The following GABRA2 variants were observed in gnomAD, a reference collection of about 807,000 sequenced individuals.
GABRA2 encodes gamma-aminobutyric acid type A receptor subunit alpha2, also known as gamma-aminobutyric acid receptor subunit alpha-2.
Under a neutral mutation model 48.7 loss-of-function variants are expected in GABRA2, and 16 were observed. The observed-to-expected ratio is 0.33, with a 90% CI of 0.22 to 0.50. GABRA2 has a LOEUF of 0.50. GABRA2 is among the 20% of genes least tolerant of loss of function. GABRA2 has a pLI of 0.98. For missense variants in GABRA2, 275 were observed against 535.6 expected (o/e 0.51, Z 4.80); for synonymous variants, 185 against 184.5 (o/e 1.00, Z -0.02).
intron 8 of GABRA2, 23 bp from the exon 9 acceptor site, chr4:46,262,151 C>T (rs200491117): frequency 1.9e-6 from 3 of 1,600,216 alleles, no homozygotes; most frequent in South Asian, 1.1e-5. Context: ...AGATAGGAAT[C>T]GAAAACATCA....
At chr4:46,363,282 G>A (rs1157573142) in intron 3 of GABRA2, among the ~76,000 whole-genome samples, 4 of 152,130 alleles carry the variant, frequency 2.6e-5, no homozygotes, top group Admixed American at 6.6e-5. Flanking sequence ...GGAGACAGGC[G>A]ATAAGTAAGC....
chr4:46,267,178 T>A (rs1308647364), intron 8 of GABRA2, among the ~76,000 whole-genome samples: 1 of 152,122 alleles, frequency 6.6e-6, no homozygotes, highest in Non-Finnish European at 1.5e-5. Flanking sequence ...TCAACAATCT[T>A]AATTGGCTTA....
chr4:46,389,675 C>A, intron 1 of GABRA2, 60 bp downstream of exon 1: 1 of 929,952 alleles, frequency 1.1e-6, no homozygotes, highest in Non-Finnish European at 1.3e-6. Flanking sequence ...ATGAGGCATG[C>A]ACGCGAGGCA....
At chr4:46,281,752 A>G (rs909599763) in intron 8 of GABRA2, among the ~76,000 whole-genome samples, 1 of 152,212 alleles carries the variant, frequency 6.6e-6, no homozygotes, top group Non-Finnish European at 1.5e-5. Context: ...TCCTTCAAGT[A>G]AATCATCTTA....
chr4:46,389,680 GAGGCAA>G (rs1717963492), intron 1 of GABRA2, 49 bp downstream of exon 1: 1 of 947,850 alleles, frequency 1.1e-6, no homozygotes, highest in Admixed American at 6.2e-5. Context: ...GCATGCACGC[GAGGCAA>G]AGACAAACAG....
In GABRA2 at chr4:46,300,649, C is replaced by T. The variant is rs545408336; in HGVS notation, c.856+2811G>A. On this transcript the variant is annotated intron_variant, in intron 8 of 9. Coordinates refer to ENST00000381620, the MANE Select transcript of GABRA2 (RefSeq NM_000807.4). ...ATCAAAATACACATAACTCAAACTA[C>T]AATCAGTTTTCCTATTTGCCCTCTG... Among the ~76,000 whole-genome samples the T allele has an allele frequency of 2.5e-4, 37 of 147,488 alleles. No individual in the cohort carries two copies. In the South Asian group the frequency reaches 7.7e-3, roughly 31 times the overall value.
At chr4:46,380,257 A>G (rs1271112767) in intron 3 of GABRA2, among the ~76,000 whole-genome samples, 1 of 152,234 alleles carries the variant, frequency 6.6e-6, no homozygotes. Context: ...AGATAAATGC[A>G]TCATCTTTTT....
At chr4:46,321,255 G>C (rs1385290420) in intron 4 of GABRA2, among the ~76,000 whole-genome samples, 1 of 151,824 alleles carries the variant, frequency 6.6e-6, no homozygotes, top group African/African-American at 2.4e-5. Context: ...GAAAAAATGG[G>C]GAGGTGTCAA....
At chr4:46,306,746 G>A (rs1301870270) in intron 6 of GABRA2, among the ~76,000 whole-genome samples, 1 of 152,138 alleles carries the variant, frequency 6.6e-6, no homozygotes, top group Non-Finnish European at 1.5e-5. Flanking sequence ...TCTACCTCCA[G>A]CTCTCTAGGA....
At chr4:46,385,172 T>C (rs1184359788) in intron 3 of GABRA2, among the ~76,000 whole-genome samples, 1 of 150,968 alleles carries the variant, frequency 6.6e-6, no homozygotes, top group Non-Finnish European at 1.5e-5. Flanking sequence ...GTCAGACTAA[T>C]ACAAATCTTT....
chr4:46,352,537 G>A, intron 3 of GABRA2, among the ~76,000 whole-genome samples: 1 of 151,918 alleles, frequency 6.6e-6, no homozygotes, highest in Admixed American at 6.6e-5. Flanking sequence ...AAAACGAAAT[G>A]CATCATTTCC....
chr4:46,250,777 C>T (rs755850070), intron 9 of GABRA2, among the ~76,000 whole-genome samples, 173 bp from the exon 10 acceptor site: 9 of 151,476 alleles, frequency 5.9e-5, no homozygotes, highest in Admixed American at 1.3e-4. Context: ...AAATCCATTA[C>T]GGTGAGAAAA....
At position 46,313,567 on chromosome 4, in the gene GABRA2, T is replaced by C. The variant is rs1384962618; in HGVS notation, c.256-851A>G. Among the ~76,000 whole-genome samples the C allele has an allele frequency of 2.7e-5, 4 of 145,744 alleles. No individual in the cohort carries two copies. The East Asian group carries it at 8.0e-4, about 29-fold the overall frequency. On this transcript the variant is annotated intron_variant, in intron 4 of 9. Transcript: ENST00000381620. ...AATTTTAACTTACGTGAAACTCTGT[T>C]TCTCTCTCTCTCTCTCTCTCTCTTT...
intron 3 of GABRA2, among the ~76,000 whole-genome samples, chr4:46,358,305 A>G (rs1736329034): frequency 6.6e-6 from 1 of 152,184 alleles, no homozygotes; most frequent in Non-Finnish European, 1.5e-5. Flanking sequence ...TCCACTCTCT[A>G]ACGCTGAACT....
chr4:46,353,509 A>G (rs916930117), intron 3 of GABRA2, among the ~76,000 whole-genome samples: 2 of 152,138 alleles, frequency 1.3e-5, no homozygotes, highest in African/African-American at 4.8e-5. Flanking sequence ...CAGCAAGGCC[A>G]TAAGTATCTG....
chr4:46,386,313 C>CTT (rs148641732), intron 2 of GABRA2, 124 bp from the exon 3 acceptor site: 5 of 575,788 alleles, frequency 8.7e-6, no homozygotes, highest in African/African-American at 4.1e-5. Context: ...CGTTTTCCTC[C>CTT]TTTTTTTTTA....
chr4:46,270,558 C>A (rs1331041056), intron 8 of GABRA2, among the ~76,000 whole-genome samples: 1 of 151,900 alleles, frequency 6.6e-6, no homozygotes, highest in Non-Finnish European at 1.5e-5. Context: ...CTACAATTCA[C>A]TTCTTTTCTG....
chr4:46,295,082 G>A (rs1014902576), intron 8 of GABRA2, among the ~76,000 whole-genome samples: 2 of 152,298 alleles, frequency 1.3e-5, no homozygotes, highest in African/African-American at 2.4e-5. Flanking sequence ...AGGAAGAGAA[G>A]ACTTAGGCCT....
At chr4:46,377,742 C>T (rs1472389741) in intron 3 of GABRA2, among the ~76,000 whole-genome samples, 1 of 143,292 alleles carries the variant, frequency 7.0e-6, no homozygotes, top group Non-Finnish European at 1.5e-5. Context: ...GGGGGGTCAG[C>T]CCCCCGCCCG....
Sources: gnomAD v4.1 joint callset for allele counts (sites outside exome capture counted in the v4.1 genomes callset) on GRCh38, gnomAD v4.1.1 for gene constraint, MANE v1.5 for transcripts, NCBI Gene and HGNC (gene_info 2026-07-23, HGNC 2026-07-21) for gene names.